The following XYLT2 variants were observed in gnomAD, a reference collection of about 807,000 sequenced individuals.
XYLT2 encodes UDP-D-xylose:proteoglycan core protein beta-D-xylosyltransferase.
In XYLT2, 37 loss-of-function variants were observed where a neutral mutation model predicts 82.6. The ratio of observed to expected loss-of-function variants is 0.45; its 90% CI spans 0.34 to 0.59. The LOEUF is 0.59. Among genes scored for constraint, XYLT2 ranks in the 20% least tolerant of loss-of-function variants. The pLI, the probability that XYLT2 is intolerant of heterozygous loss-of-function variation, is 0.01. For synonymous variants in XYLT2, 474 were observed against 499.0 expected (o/e 0.95, Z 0.67); for missense variants, 934 against 1,181.3 (o/e 0.79, Z 3.07).
chr17:50,352,980 C>G (rs1342799812), intron 1 of XYLT2, among the ~76,000 whole-genome samples: 4 of 152,196 alleles, frequency 2.6e-5, no homozygotes, highest in South Asian at 4.1e-4. Context: ...CGGTCCAAAG[C>G]CTTTCCCTGC....
Position 50,356,647 on chromosome 17 carries a change from C to A in XYLT2, c.1619C>A (p.Thr540Asn), listed in dbSNP as rs151294421. 1 of 1,614,112 alleles carries A rather than the reference C, an allele frequency of 6.2e-7. No homozygotes were observed. The highest frequency in any genetic ancestry group is 8.5e-7 in the Non-Finnish European group (1 of 1,180,036). The part of the protein sequence containing the change: ...TPALKAYWEN[T>N]YDAADGPSGL... ...GCCCTCAAGGCCTACTGGGAGAACA[C>A]CTACGACGCGGCTGATGGCCCCAGT... Residue 540 changes from threonine (T) to asparagine (N), a missense_variant, in exon 8 of 11, where the codon ACC (threonine) becomes AAC (asparagine). Transcript: ENST00000017003.
Position 50,358,444 on chromosome 17 carries a change from T to G in XYLT2, c.2179T>G (p.Trp727Gly). The G allele has an allele frequency of 2.5e-6, 4 of 1,614,176 alleles. No individual in the cohort carries two copies. The highest frequency in any genetic ancestry group is 3.4e-6 in the Non-Finnish European group (4 of 1,180,038). ...PLSRPLRPGPWTVRLLQFWEP... is the reference protein window; with the variant it reads ...PLSRPLRPGPGTVRLLQFWEP... ...GAGCCGGCCCCTGCGGCCAGGGCCC[T>G]GGACTGTTCGACTCCTTCAGTTCTG... Residue 727 changes from tryptophan to glycine, a missense_variant, in exon 10 of 11, where the codon TGG (tryptophan) becomes GGG (glycine). By Grantham distance (184) the Trp-to-Gly change is radical. Coordinates refer to ENST00000017003, the MANE Select transcript of XYLT2 (RefSeq NM_022167.4).
chr17:50,346,608 C>T lies in XYLT2; in HGVS notation c.135+333C>T. 3.0e-6 allele frequency: 3 copies of T among 985,034 alleles called. No homozygotes were observed. Among genetic ancestry groups the T allele is most frequent in the Non-Finnish European group, 3.6e-6 (3 of 829,608 alleles). The allele number at this position is 985,034 out of a possible 1,614,324, so 61.0% of individuals were successfully genotyped here. On this transcript the variant is annotated intron_variant, in intron 1 of 10. Transcript: ENST00000017003. This position sits in a 1 kb window ranked among gnomAD's most constrained non-coding sequence, Gnocchi z 5.1. The stretch of plus-strand genomic sequence containing the variant: ...AGCGGGGCTGGGAGGCGGGGCTGGG[C>T]CCGAACCTGCTCGGAGGTGGGGAGC...
At chr17:50,350,524 A>ATG (rs1567804152) in intron 1 of XYLT2, among the ~76,000 whole-genome samples, 1 of 48,614 alleles carries the variant, frequency 2.1e-5, no homozygotes, top group African/African-American at 6.5e-5. Context: ...CCGAGATTGC[A>ATG]CCACTGCACT....
chr17:50,355,995 G>A lies in XYLT2; in HGVS notation c.1303G>A (p.Glu435Lys), dbSNP rs1165950755. The A allele has an allele frequency of 2.5e-6, 4 of 1,614,098 alleles. No individual in the cohort carries two copies. Among genetic ancestry groups the A allele is most frequent in the Admixed American group, 1.7e-5 (1 of 60,004 alleles). ...CTACACATACACACTGCTCCCAGCC[G>A]AGGTGGGTAGCCCAGCAGGCATGAA... ...QFYTYTLLPA[E>K]SFFHTVLENS... Residue 435 changes from glutamate (E) to lysine (K), a missense_variant and splice_region_variant, in exon 6 of 11, where the codon GAG (glutamate) becomes AAG (lysine). Glu to Lys is a moderately conservative substitution (Grantham distance 56, BLOSUM62 1). Transcript: ENST00000017003.
chr17:50,348,710 C>T (rs1410274203), intron 1 of XYLT2, among the ~76,000 whole-genome samples: 1 of 152,122 alleles, frequency 6.6e-6, no homozygotes, highest in Non-Finnish European at 1.5e-5. Flanking sequence ...TGTGTTCACC[C>T]TTTCTGTGAC....
intron 1 of XYLT2, among the ~76,000 whole-genome samples, chr17:50,352,296 G>A (rs535185486): frequency 6.6e-6 from 1 of 152,296 alleles, no homozygotes; most frequent in Admixed American, 6.5e-5. Flanking sequence ...CCAGAGCCCT[G>A]GAGGCTCTAG....
chr17:50,358,100 CAGAA>C (rs1445776699), intron 9 of XYLT2, 103 bp from the exon 10 acceptor site: 2 of 1,067,972 alleles, frequency 1.9e-6, no homozygotes, highest in Non-Finnish European at 2.7e-6. Context: ...AACTGAGGCC[CAGAA>C]AGAGACAGTG....
chr17:50,354,111 G>C lies in XYLT2; in HGVS notation c.617G>C (p.Cys206Ser), dbSNP rs776590366. ...SLMPKAVPRH[C>S]QLTGKMSPGI... ...ATGCCCAAGGCTGTGCCCCGGCACTGTCAGCTGACTGGTGAGGGACAGGGG... is the reference window on the plus strand; with the variant it reads ...ATGCCCAAGGCTGTGCCCCGGCACTCTCAGCTGACTGGTGAGGGACAGGGG... The change falls in exon 2 of 11, where the codon TGT becomes TCT. Residue 206 changes from cysteine to serine, a missense_variant. This residue lies in a region of XYLT2 where 371 missense variants were observed against 394.9 expected (regional missense o/e 0.94). Coordinates refer to ENST00000017003, the MANE Select transcript of XYLT2 (RefSeq NM_022167.4). 3.1e-6 allele frequency: 5 copies of C among 1,604,058 alleles called. No homozygotes were observed. The highest frequency in any genetic ancestry group is 4.2e-6 in the Non-Finnish European group (5 of 1,179,926).
At chr17:50,349,228 C>T (rs1912155742) in intron 1 of XYLT2, among the ~76,000 whole-genome samples, 3 of 152,374 alleles carry the variant, frequency 2.0e-5, no homozygotes, top group African/African-American at 7.2e-5. Context: ...CATCTACCCA[C>T]CTAAGCTTGG....
chr17:50,354,382 C>G, intron 2 of XYLT2, 26 bp from the exon 3 acceptor site: 1 of 1,580,808 alleles, frequency 6.3e-7, no homozygotes, highest in Non-Finnish European at 8.6e-7. Context: ...GGGTGGGCCT[C>G]GCCAACGCCT....
rs777339294 is a variant in XYLT2, at chr17:50,353,638, G to T, written c.144G>T (p.Arg48Ser). 2.6e-6 allele frequency: 4 copies of T among 1,564,592 alleles called. No individual in the cohort carries two copies. In the Admixed American group the frequency reaches 7.5e-5, roughly 29 times the overall value. Residue 48 changes from arginine to serine, a missense_variant, in exon 2 of 11, where the codon AGG becomes AGT. Arg to Ser is a moderately radical substitution (Grantham distance 110). Around this residue, in one of 3 missense-constraint regions of XYLT2, gnomAD observed 371 missense variants for 394.9 expected, o/e 0.94. Transcript: ENST00000017003. ...LEEDEAGEKG[R>S]QRKPRPLDPG... Reference sequence around the variant, plus strand: ...CTGCATCTCTCTTACAGAAAGGAAGGCAGAGGAAGCCACGGCCACTGGACC... The same window carrying T: ...CTGCATCTCTCTTACAGAAAGGAAGTCAGAGGAAGCCACGGCCACTGGACC...
At position 50,360,722 on chromosome 17, in the gene XYLT2, C is replaced by G. The variant is rs1912774432; in HGVS notation, c.*431C>G. On this transcript the variant is annotated 3_prime_UTR_variant, in exon 11 of 11. Transcript: ENST00000017003. ...CTTGCTGAGCCCACCTGCTATTGTT[C>G]TGCACGAGGCTGGGCCTGCCTCACT... is the stretch of plus-strand genomic sequence containing the variant. 1.0e-6 allele frequency: 1 copy of G among 990,376 alleles called. No individual in the cohort carries two copies. The allele number at this position is 990,376 out of a possible 1,614,324, so 61.3% of individuals were successfully genotyped here. A position where few individuals can be genotyped will look rare whatever the true frequency, so the allele number is the denominator to read the frequency against.
At chr17:50,352,551 G>A (rs964116885) in intron 1 of XYLT2, among the ~76,000 whole-genome samples, 1 of 152,212 alleles carries the variant, frequency 6.6e-6, no homozygotes, top group Admixed American at 6.5e-5. Flanking sequence ...AGCATGGATG[G>A]GATTTGGTCA....
In XYLT2 at chr17:50,355,871, T is replaced by C. The variant is rs1322008519; in HGVS notation, c.1179T>C (p.Ile393=). 6.2e-7 allele frequency: 1 copy of C among 1,614,196 alleles called. No individual in the cohort carries two copies. The highest frequency in any genetic ancestry group is 2.2e-5 in the East Asian group (1 of 44,884). ...RLGERQIPAG[I]VVDGGSDWFV... ...GCGAGCGGCAGATCCCAGCAGGCAT[T>C]GTGGTGGATGGCGGTTCTGACTGGT... is the stretch of plus-strand genomic sequence containing the variant. The change falls in exon 6 of 11, where the codon ATT becomes ATC. Residue 393 remains isoleucine, a synonymous_variant. Coordinates refer to ENST00000017003, the MANE Select transcript of XYLT2 (RefSeq NM_022167.4).
chr17:50,356,465 C>G (rs763118787), intron 7 of XYLT2, 46 bp from the exon 8 acceptor site: 29 of 1,600,598 alleles, frequency 1.8e-5, no homozygotes, highest in Non-Finnish European at 2.5e-5. Flanking sequence ...ACCATGCCCT[C>G]TGGGGCTTCC....
At chr17:50,352,766 G>A (rs534093688) in intron 1 of XYLT2, among the ~76,000 whole-genome samples, 5 of 152,336 alleles carry the variant, frequency 3.3e-5, no homozygotes, top group South Asian at 2.1e-4. Context: ...CACATGCAGC[G>A]AGGTGACAGC....
chr17:50,358,242 C>A lies in XYLT2; in HGVS notation c.1977C>A (p.Phe659Leu), dbSNP rs1912636461. ...ATTGGGACCCCAAAGAGCGTCTTTT[C>A]CGGAACTTTGGGGGGTTACTGGGGC... ...GTDWDPKERL[F>L]RNFGGLLGPL... The change falls in exon 10 of 11, where the codon TTC (phenylalanine) becomes TTA (leucine). Residue 659 changes from phenylalanine (F) to leucine (L), a missense_variant. Coordinates refer to ENST00000017003, the MANE Select transcript of XYLT2 (RefSeq NM_022167.4). 6.2e-7 allele frequency: 1 copy of A among 1,610,784 alleles called. No homozygotes were observed. The highest frequency in any genetic ancestry group is 1.3e-5 in the African/African-American group (1 of 74,920).
intron 4 of XYLT2, 116 bp downstream of exon 4, chr17:50,355,172 C>T: frequency 2.5e-6 from 3 of 1,181,606 alleles, no homozygotes; most frequent in Non-Finnish European, 3.6e-6. Context: ...TGGGATCCGC[C>T]CTGCTCAGAC....
Sources: allele counts gnomAD v4.1 joint callset (sites outside exome capture counted in the v4.1 genomes callset), GRCh38; gene constraint gnomAD v4.1.1; regional missense constraint gnomAD v4.1.1; non-coding constraint Gnocchi (gnomAD v3.1); transcripts MANE v1.5; gene names NCBI Gene and HGNC (gene_info 2026-07-23, HGNC 2026-07-21).